EFNA2: variants seen among roughly 807,000 people sequenced by gnomAD.
EFNA2 encodes ephrin-A2.
In EFNA2, 18 loss-of-function variants were observed where a neutral mutation model predicts 19.7. That is an observed-to-expected ratio of 0.91 (90% confidence interval 0.63 to 1.35). The LOEUF (loss-of-function observed/expected upper bound fraction) is 1.35, where lower values mean the gene tolerates loss of function less well. Among genes scored for constraint, EFNA2 ranks in the 40% most tolerant of loss-of-function variants. The pLI is 0.00. For synonymous variants in EFNA2, 187 were observed against 137.8 expected, an observed-to-expected ratio of 1.36 and a Z score of -2.50; for missense variants, 303 against 296.0, an observed-to-expected ratio of 1.02 and a Z score of -0.17.
chr19:1,291,905 G>A (rs892133417), intron 1 of EFNA2, among the ~76,000 whole-genome samples: 7 of 152,344 alleles, frequency 4.6e-5, no homozygotes, highest in African/African-American at 1.4e-4. Context: ...GCCTGGAGGC[G>A]TGGACTTTGG....
chr19:1,299,760 C>A, intron 3 of EFNA2, 64 bp from the exon 4 acceptor site: 2 of 1,518,788 alleles, frequency 1.3e-6, no homozygotes, highest in Non-Finnish European at 1.8e-6. Context: ...TGAGGGCGGG[C>A]GGCACGTGGG....
rs2081506162 is a variant in EFNA2 at position 1,294,734 on chromosome 19, C to T, written c.141-811C>T. On this transcript the variant is annotated intron_variant, in intron 1 of 3. Transcript: ENST00000215368. This position sits in a 1 kb window ranked among gnomAD's most constrained non-coding sequence, Gnocchi z 5.8. ...GGGTGGAGGGATTCTTCACGCCAAG[C>T]TCCGTTCTCTTTGGGGAAACTGAGG... Among the ~76,000 whole-genome samples the T allele has an allele frequency of 6.6e-6, 1 of 151,912 alleles. No individual in the cohort carries two copies. The highest frequency in any genetic ancestry group is 1.5e-5 in the Non-Finnish European group (1 of 67,978).
rs564485454 is a variant in EFNA2, at chr19:1,287,573, C to G, written c.140+1265C>G. The stretch of plus-strand genomic sequence containing the variant: ...CTCGGGGACAAGGGCGGCCCGTGTT[C>G]CGCCGTGGGGGTGGGGAACACGCAC... On this transcript the variant is annotated intron_variant, in intron 1 of 3. Transcript: ENST00000215368. The surrounding 1 kb of genome is among the most constrained non-coding windows in gnomAD (Gnocchi z 6.2). Among the ~76,000 whole-genome samples the G allele has an allele frequency of 3.5e-3, 530 of 152,238 alleles. 2 individuals carry two copies. The highest frequency in any genetic ancestry group is 0.012 in the African/African-American group (499 of 41,542).
chr19:1,295,764 C>A lies in EFNA2; in HGVS notation c.360C>A (p.Pro120=). The change falls in exon 2 of 4, where the codon CCC becomes CCA. Residue 120 remains proline, a synonymous_variant. Coordinates refer to ENST00000215368, the MANE Select transcript of EFNA2 (RefSeq NM_001405.4). The surrounding 1 kb of genome is among the most constrained non-coding windows in gnomAD (Gnocchi z 5.8). ...GGGAGTGCAACCGGCCCGCGGCGCC[C>A]GGGGGGCCGCTCAAGTTCTCGGAGA... ...KRWECNRPAA[P]GGPLKFSEKF... 1 of 1,604,322 alleles carries A rather than the reference C, an allele frequency of 6.2e-7. No homozygotes were observed. The highest frequency in any genetic ancestry group is 1.1e-5 in the South Asian group (1 of 89,942).
intron 1 of EFNA2, among the ~76,000 whole-genome samples, chr19:1,290,830 G>A (rs1159078230): frequency 6.6e-6 from 1 of 152,214 alleles, no homozygotes; most frequent in Non-Finnish European, 1.5e-5. Flanking sequence ...AGCCTGCGGA[G>A]GAGCAGACGA....
chr19:1,295,728 C>T lies in EFNA2; in HGVS notation c.324C>T (p.Gly108=). 6.2e-7 allele frequency: 1 copy of T among 1,608,404 alleles called. No individual in the cohort carries two copies. Among genetic ancestry groups the T allele is most frequent in the South Asian group, 1.1e-5 (1 of 90,398 alleles). Reference sequence around the variant, plus strand: ...CCTCCTGCGACCACCGCCAGCGCGGCTTCAAGCGCTGGGAGTGCAACCGGC... The same window carrying T: ...CCTCCTGCGACCACCGCCAGCGCGGTTTCAAGCGCTGGGAGTGCAACCGGC... The part of the protein sequence containing the change: ...GHASCDHRQR[G]FKRWECNRPA... The change falls in exon 2 of 4, where the codon GGC becomes GGT. Residue 108 remains glycine (G), a synonymous_variant. Coordinates refer to ENST00000215368, the MANE Select transcript of EFNA2 (RefSeq NM_001405.4). The surrounding 1 kb of genome is among the most constrained non-coding windows in gnomAD (Gnocchi z 5.8).
chr19:1,285,689 T>C (rs899713097), upstream of EFNA2, among the ~76,000 whole-genome samples: 14 of 150,456 alleles, frequency 9.3e-5, no homozygotes, highest in Non-Finnish European at 1.8e-4. This position sits in a 1 kb window ranked among gnomAD's most constrained non-coding sequence, Gnocchi z 4.1. Flanking sequence ...GCCACGCGGA[T>C]GCCGGCGGGG....
chr19:1,299,248 T>TA (rs2081529361), intron 3 of EFNA2, among the ~76,000 whole-genome samples: 1 of 144,524 alleles, frequency 6.9e-6, no homozygotes, highest in Non-Finnish European at 1.5e-5. Flanking sequence ...AAAAATAAAA[T>TA]AAAATAAAAA....
Position 1,301,280 on chromosome 19 carries a change from G to T in EFNA2, c.*1335G>T, listed in dbSNP as rs1746242468. On this transcript the variant is annotated 3_prime_UTR_variant, in exon 4 of 4. Coordinates refer to ENST00000215368, the MANE Select transcript of EFNA2 (RefSeq NM_001405.4). ...CCGGCCGGCGGCTCGAGGCACGCCC[G>T]GTGGTGGGGGGTGGGCAGAGGGCTT... Among the ~76,000 whole-genome samples the T allele has an allele frequency of 6.7e-6, 1 of 149,578 alleles. No homozygotes were observed. Among genetic ancestry groups the T allele is most frequent in the African/African-American group, 2.4e-5 (1 of 40,862 alleles).
At position 1,287,343 on chromosome 19, in the gene EFNA2, C is replaced by T. The variant is rs1385452255; in HGVS notation, c.140+1035C>T. On this transcript the variant is annotated intron_variant, in intron 1 of 3. Transcript: ENST00000215368. The surrounding 1 kb of genome is among the most constrained non-coding windows in gnomAD (Gnocchi z 6.2). ...CAGCACTCAGGGTGTCACCGTCTTC[C>T]TAAGGCACACGGAGCTGCACATCGG... 2.0e-5 allele frequency among the ~76,000 whole-genome samples: 3 copies of T among 152,118 alleles called. No homozygotes were observed. The highest frequency in any genetic ancestry group is 4.4e-5 in the Non-Finnish European group (3 of 67,994).
rs1600058921 is a variant in EFNA2, at chr19:1,294,680, T to G, written c.141-865T>G. 2.5e-5 allele frequency among the ~76,000 whole-genome samples: 3 copies of G among 121,434 alleles called. No individual in the cohort carries two copies. The highest frequency in any genetic ancestry group is 3.4e-5 in the Non-Finnish European group (2 of 58,046). The allele number at this position is 121,434 out of a possible 152,430, so 79.7% of individuals were successfully genotyped here. On this transcript the variant is annotated intron_variant, in intron 1 of 3. Transcript: ENST00000215368. The surrounding 1 kb of genome is among the most constrained non-coding windows in gnomAD (Gnocchi z 5.8). ...CGGCAGGCTGAGAGAGAGGGGGCGG[T>G]GGGCGGAACTCTGGGGGTGCTGAGA...
chr19:1,295,926 T>G lies in EFNA2; in HGVS notation c.454+68T>G, dbSNP rs1600060067. ...GGGACGCGGGGGCGGGGCCAGGAAG[T>G]GGGCGGGACCACTGGGGTGGGGCCG... On this transcript the variant is annotated intron_variant, in intron 2 of 3. Coordinates refer to ENST00000215368, the MANE Select transcript of EFNA2 (RefSeq NM_001405.4). This position sits in a 1 kb window ranked among gnomAD's most constrained non-coding sequence, Gnocchi z 5.8. 2 of 402,984 alleles carry G rather than the reference T, an allele frequency of 5.0e-6. No homozygotes were observed. Among genetic ancestry groups the G allele is most frequent in the South Asian group, 6.2e-5 (2 of 32,354 alleles). The allele number at this position is 402,984 out of a possible 1,614,324, so 25.0% of individuals were successfully genotyped here.
At position 1,287,149 on chromosome 19, in the gene EFNA2, C is replaced by T. The variant is rs557682499; in HGVS notation, c.140+841C>T. On this transcript the variant is annotated intron_variant, in intron 1 of 3. Coordinates refer to ENST00000215368, the MANE Select transcript of EFNA2 (RefSeq NM_001405.4). The surrounding 1 kb of genome is among the most constrained non-coding windows in gnomAD (Gnocchi z 6.2). ...CAACGTGGGGGACAGGAGAAGCCCC[C>T]GTTGGTCAGAGCAAAAAAAGTTTGC... Among the ~76,000 whole-genome samples, 5 of 152,334 alleles carry T rather than the reference C, an allele frequency of 3.3e-5. No homozygotes were observed. In the South Asian group the frequency reaches 6.2e-4, roughly 19 times the overall value.
In EFNA2 at chr19:1,286,711, C is replaced by T. The variant is rs907575595; in HGVS notation, c.140+403C>T. Among the ~76,000 whole-genome samples the T allele has an allele frequency of 7.2e-5, 11 of 152,126 alleles. No individual in the cohort carries two copies. Among genetic ancestry groups the T allele is most frequent in the Non-Finnish European group, 1.5e-4 (10 of 67,996 alleles). On this transcript the variant is annotated intron_variant, in intron 1 of 3. Transcript: ENST00000215368. This position sits in a 1 kb window ranked among gnomAD's most constrained non-coding sequence, Gnocchi z 5.6. ...CCTCGGTTTCGCATTTGGTGGGGAT[C>T]CCCGGGGACCTTGGCACCGGAGGTG...
intron 1 of EFNA2, among the ~76,000 whole-genome samples, chr19:1,292,028 A>T (rs1309592792): frequency 6.6e-6 from 1 of 152,064 alleles, no homozygotes; most frequent in South Asian, 2.1e-4. Flanking sequence ...TCAGTCATTA[A>T]CCCCTTAGTG....
At chr19:1,285,495 G>A (rs181688011), upstream of EFNA2, among the ~76,000 whole-genome samples, 2 of 152,122 alleles carry the variant, frequency 1.3e-5, no homozygotes, top group Admixed American at 6.5e-5. This position sits in a 1 kb window ranked among gnomAD's most constrained non-coding sequence, Gnocchi z 4.1. Context: ...CTCTGCCCCG[G>A]CCCCCGCAGG....
intron 1 of EFNA2, among the ~76,000 whole-genome samples, chr19:1,293,183 T>G (rs563357011): frequency 6.6e-6 from 1 of 152,264 alleles, no homozygotes; most frequent in African/African-American, 2.4e-5. Context: ...CAGGGTGACC[T>G]GGGTGTGGGC....
intron 3 of EFNA2, 26 bp downstream of exon 3, chr19:1,298,642 A>T (rs1443051987): frequency 6.2e-7 from 1 of 1,612,130 alleles, no homozygotes; most frequent in Admixed American, 1.7e-5. Flanking sequence ...GATGGGCAGG[A>T]TCCAGGCCCC....
At chr19:1,293,640 C>T (rs1001154503) in intron 1 of EFNA2, among the ~76,000 whole-genome samples, 2 of 143,386 alleles carry the variant, frequency 1.4e-5, no homozygotes, top group African/African-American at 5.6e-5. Flanking sequence ...TGCAACACGC[C>T]CTCCCATGTC....
Sources: gnomAD v4.1 joint callset for allele counts (sites outside exome capture counted in the v4.1 genomes callset) on GRCh38, gnomAD v4.1.1 for gene constraint, Gnocchi (gnomAD v3.1) non-coding constraint, MANE v1.5 for transcripts, NCBI Gene and HGNC (gene_info 2026-07-23, HGNC 2026-07-21) for gene names.